Variants in AFAP1 observed in about 807,000 individuals in gnomAD.
AFAP1 encodes actin filament associated protein 1, also known as actin filament-associated protein 1.
In AFAP1, 75 loss-of-function variants were observed where a neutral mutation model predicts 93.9. The observed-to-expected ratio is 0.80, with a 90% CI of 0.66 to 0.97. The LOEUF (loss-of-function observed/expected upper bound fraction) is 0.97. Among genes scored for constraint, AFAP1 ranks in the 50% least tolerant of loss-of-function variants. AFAP1 has a pLI of 0.00. For missense variants in AFAP1, 1,201 were observed against 1,050.8 expected, an observed-to-expected ratio of 1.14 and a Z score of -1.98; for synonymous variants, 517 against 430.7, an observed-to-expected ratio of 1.20 and a Z score of -2.48.
At chr4:7,819,237 G>C (rs1553838908) in intron 6 of AFAP1, 66 bp from the exon 7 acceptor site, 2 of 1,409,068 alleles carry the variant, frequency 1.4e-6, no homozygotes, top group East Asian at 2.4e-5. Flanking sequence ...CTTGAACTGT[G>C]AGTTGTACAG....
At chr4:7,906,790 G>A (rs1457391571) in intron 1 of AFAP1, among the ~76,000 whole-genome samples, 1 of 152,216 alleles carries the variant, frequency 6.6e-6, no homozygotes, top group Non-Finnish European at 1.5e-5. Flanking sequence ...GGAAGCCAAG[G>A]CGGGTGGATC....
Position 7,800,463 on chromosome 4 carries a change from G to A in AFAP1, c.1245C>T (p.Gly415=), listed in dbSNP as rs1718915258. ...HPLTFRLLRN[G]QEVAVLEASS... ...CTACCTCCAATACTGCAACCTCCTG[G>A]CCGTTGCGCAGCAGCCGGAACGTCA... Residue 415 remains glycine, a synonymous_variant, in exon 10 of 18, where the codon GGC becomes GGT. Transcript: ENST00000420658. 8 of 1,614,182 alleles carry A rather than the reference G, an allele frequency of 5.0e-6. No individual in the cohort carries two copies. The highest frequency in any genetic ancestry group is 6.8e-6 in the Non-Finnish European group (8 of 1,180,036).
At chr4:7,795,674 C>T (rs1176924004) in intron 10 of AFAP1, among the ~76,000 whole-genome samples, 1 of 151,986 alleles carries the variant, frequency 6.6e-6, no homozygotes, top group African/African-American at 2.4e-5. Flanking sequence ...ATCTGCCCAC[C>T]TCGGCCTCCC....
Position 7,823,564 on chromosome 4 carries a change from G to A in AFAP1, c.727-4393C>T, listed in dbSNP as rs578200710. Among the ~76,000 whole-genome samples the A allele has an allele frequency of 2.6e-5, 4 of 152,258 alleles. No individual in the cohort carries two copies. The South Asian group carries it at 8.3e-4, about 32-fold the overall frequency. ...GGCAGACTCGCCTGGTCCCTGGAGT[G>A]TCCCCATCCCTCTCCTGTTCCCATC... On this transcript the variant is annotated intron_variant, in intron 6 of 17. Transcript: ENST00000420658.
At chr4:7,841,608 G>C (rs1713026145) in intron 5 of AFAP1, among the ~76,000 whole-genome samples, 1 of 152,208 alleles carries the variant, frequency 6.6e-6, no homozygotes. Context: ...AACTTGGAAA[G>C]TATTTGCTTT....
At chr4:7,816,726 G>A (rs1031100984) in intron 7 of AFAP1, among the ~76,000 whole-genome samples, 2 of 152,210 alleles carry the variant, frequency 1.3e-5, no homozygotes, top group Admixed American at 1.3e-4. Flanking sequence ...CCAAGAACCT[G>A]TGGGGTCATA....
chr4:7,788,842 GCGGCAGGCA>G (rs1265789804), intron 11 of AFAP1: 3 of 152,272 alleles, frequency 2.0e-5, no homozygotes, highest in Admixed American at 2.0e-4. Flanking sequence ...TCTCCTTCCA[GCGGCAGGCA>G]CGTCTCTCAC....
intron 1 of AFAP1, among the ~76,000 whole-genome samples, chr4:7,915,741 C>T (rs925711317): frequency 6.6e-6 from 1 of 152,266 alleles, no homozygotes; most frequent in African/African-American, 2.4e-5. Context: ...AGAACCCCCA[C>T]AAAACCACTT....
At position 7,838,561 on chromosome 4, in the gene AFAP1, G is replaced by A; in HGVS notation, c.689C>T (p.Ala230Val). Residue 230 changes from alanine to valine, a missense_variant, in exon 6 of 18, where the codon GCC (alanine) becomes GTC (valine). By Grantham distance (64) the Ala-to-Val change is moderately conservative (BLOSUM62 0). Coordinates refer to ENST00000420658, the MANE Select transcript of AFAP1 (RefSeq NM_001134647.2). ...TQQGTDPLVL[A>V]VQSKEQAEQW... ...CTCGGCCTGTTCCTTGCTCTGGACGGCGAGAACAAGCGGGTCCGTGCCCTG... is the reference window on the plus strand; with the variant it reads ...CTCGGCCTGTTCCTTGCTCTGGACGACGAGAACAAGCGGGTCCGTGCCCTG... 6.2e-7 allele frequency: 1 copy of A among 1,614,058 alleles called. No individual in the cohort carries two copies. The highest frequency in any genetic ancestry group is 8.5e-7 in the Non-Finnish European group (1 of 1,179,978).
At chr4:7,875,899 G>A (rs1372836176) in intron 1 of AFAP1, among the ~76,000 whole-genome samples, 1 of 152,100 alleles carries the variant, frequency 6.6e-6, no homozygotes, top group Non-Finnish European at 1.5e-5. Flanking sequence ...GCAGAAAGTA[G>A]AACAGTGGTT....
chr4:7,865,619 A>G (rs891816833), intron 3 of AFAP1, among the ~76,000 whole-genome samples: 14 of 152,224 alleles, frequency 9.2e-5, no homozygotes, highest in African/African-American at 2.7e-4. Context: ...AAGAGGATGA[A>G]TAAGTAATAA....
At chr4:7,768,206 G>A (rs1425941967) in intron 17 of AFAP1, among the ~76,000 whole-genome samples, 6 of 152,386 alleles carry the variant, frequency 3.9e-5, no homozygotes, top group Non-Finnish European at 5.9e-5. Context: ...ATCGCACTCC[G>A]TGCACTTCCA....
intron 1 of AFAP1, among the ~76,000 whole-genome samples, chr4:7,928,900 G>T (rs1332518788): frequency 6.6e-6 from 1 of 152,238 alleles, no homozygotes; most frequent in Non-Finnish European, 1.5e-5. Context: ...CACAGTCAGT[G>T]GCAGAGCCAG....
intron 15 of AFAP1, chr4:7,774,509 G>A: frequency 1.7e-6 from 1 of 572,974 alleles, no homozygotes; most frequent in Non-Finnish European, 2.9e-6. Flanking sequence ...TGAGCAGCGT[G>A]TGGGTCTGGC....
Position 7,939,222 on chromosome 4 carries a change from C to T in AFAP1, c.-3+434G>A, listed in dbSNP as rs1721578684. 2 of 244,186 alleles carry T rather than the reference C, an allele frequency of 8.2e-6. No homozygotes were observed. The highest frequency in any genetic ancestry group is 5.8e-5 in the Admixed American group (1 of 17,242). The allele number at this position is 244,186 out of a possible 1,614,324, so 15.1% of individuals were successfully genotyped here. On this transcript the variant is annotated intron_variant, in intron 1 of 17. Transcript: ENST00000420658. This position sits in a 1 kb window ranked among gnomAD's most constrained non-coding sequence, Gnocchi z 5.6. Reference sequence around the variant, plus strand: ...GTCACGGACCCCCTCGTCCGAGGGTCCGCGCAGTCCCCTCGGTAAGTCGGA... The same window carrying T: ...GTCACGGACCCCCTCGTCCGAGGGTTCGCGCAGTCCCCTCGGTAAGTCGGA...
At chr4:7,846,938 G>A (rs775444396) in intron 4 of AFAP1, among the ~76,000 whole-genome samples, 10 of 152,150 alleles carry the variant, frequency 6.6e-5, no homozygotes, top group East Asian at 3.8e-4. Flanking sequence ...TATTTTAAAC[G>A]GAAAAAGTAA....
At position 7,795,996 on chromosome 4, in the gene AFAP1, T is replaced by C. The variant is rs538785897; in HGVS notation, c.1267-2170A>G. Among the ~76,000 whole-genome samples the C allele has an allele frequency of 1.7e-4, 26 of 152,252 alleles. No individual in the cohort carries two copies. The East Asian group carries it at 3.9e-3, about 23-fold the overall frequency. ...ACGTGTGTGGGTGCATATATGTATG[T>C]ATGCATGTACGTGTATATATACACT... is the stretch of plus-strand genomic sequence containing the variant. On this transcript the variant is annotated intron_variant, in intron 10 of 17. Transcript: ENST00000420658.
chr4:7,769,066 C>T, intron 16 of AFAP1, 58 bp from the exon 17 acceptor site: 2 of 1,495,930 alleles, frequency 1.3e-6, no homozygotes, highest in Admixed American at 2.2e-5. Context: ...TGGTATTCTC[C>T]AGCAGGAAAA....
chr4:7,802,165 G>A (rs952124742), intron 9 of AFAP1, among the ~76,000 whole-genome samples: 1 of 152,202 alleles, frequency 6.6e-6, no homozygotes, highest in Non-Finnish European at 1.5e-5. Flanking sequence ...GGCTGAATAT[G>A]ATGTCATTTC....
Sources: gnomAD v4.1 joint callset for allele counts (sites outside exome capture counted in the v4.1 genomes callset) on GRCh38, gnomAD v4.1.1 for gene constraint, Gnocchi (gnomAD v3.1) non-coding constraint, MANE v1.5 for transcripts, NCBI Gene and HGNC (gene_info 2026-07-23, HGNC 2026-07-21) for gene names.